Variants in AKAP7 observed in about 807,000 individuals in gnomAD.
AKAP7 encodes the protein A-kinase anchoring protein 7.
AKAP7 carries 39 observed loss-of-function variants against 39.5 expected under a neutral mutation model. The ratio of observed to expected loss-of-function variants is 0.99; its 90% CI spans 0.76 to 1.29. AKAP7 has a LOEUF of 1.29. Among genes scored for constraint, AKAP7 ranks in the 50% most tolerant of loss-of-function variants. The pLI, the probability that AKAP7 is intolerant of heterozygous loss-of-function variation, is 0.00. For missense variants in AKAP7, 414 were observed against 407.7 expected (o/e 1.02, Z -0.13); for synonymous variants, 140 against 139.1 (o/e 1.01, Z -0.05).
chr6:131,223,718 T>G lies in AKAP7; in HGVS notation c.850+3910T>G, dbSNP rs570313029. ...AAGGTCTCTTACAAGGCCAACCTTA[T>G]AAGAATTGCAGTGCCTCATTACCTT... On this transcript the variant is annotated intron_variant, in intron 7 of 7. Transcript: ENST00000431975. Among the ~76,000 whole-genome samples the G allele has an allele frequency of 3.3e-5, 5 of 152,296 alleles. No individual in the cohort carries two copies. In the South Asian group the frequency reaches 8.3e-4, roughly 25 times the overall value.
chr6:131,230,738 GGAGAAAA>G (rs1810559456), intron 7 of AKAP7, among the ~76,000 whole-genome samples: 1 of 152,000 alleles, frequency 6.6e-6, no homozygotes, highest in East Asian at 1.9e-4. Context: ...AGTCATGCAT[GGAGAAAA>G]GATCCATTAA....
At chr6:131,206,686 T>A (rs557591149) in intron 6 of AKAP7, among the ~76,000 whole-genome samples, 1 of 152,334 alleles carries the variant, frequency 6.6e-6, no homozygotes, top group East Asian at 1.9e-4. Flanking sequence ...CCTCCCTAAC[T>A]GTGAGCCCTG....
chr6:131,127,227 TA>T, the AKAP7 span, among the ~76,000 whole-genome samples: 1 of 151,966 alleles, frequency 6.6e-6, no homozygotes, highest in African/African-American at 2.4e-5. Flanking sequence ...TTTGTATTTT[TA>T]GTAGAGATGT....
At chr6:131,223,991 G>A (rs903982725) in intron 7 of AKAP7, among the ~76,000 whole-genome samples, 4 of 152,022 alleles carry the variant, frequency 2.6e-5, no homozygotes, top group African/African-American at 9.7e-5. Context: ...CTTCTTTATT[G>A]CTGTTACACT....
Position 131,281,637 on chromosome 6 carries a change from C to G in AKAP7, c.958C>G (p.Gln320Glu). Residue 320 changes from glutamine (Q) to glutamate (E), a missense_variant, in exon 8 of 8, where the codon CAG becomes GAG. Physicochemically the swap from Gln to Glu is conservative, Grantham distance 29. Coordinates refer to ENST00000431975, the MANE Select transcript of AKAP7 (RefSeq NM_016377.4). This position sits in a 1 kb window ranked among gnomAD's most constrained non-coding sequence, Gnocchi z 4.0. ...TGTCCAGCAGTATCTGGAGGAAACACAGAATAAAAACAAGCCGGGGGAGGG... is the reference window on the plus strand; with the variant it reads ...TGTCCAGCAGTATCTGGAGGAAACAGAGAATAAAAACAAGCCGGGGGAGGG... ...KAVQQYLEET[Q>E]NKNKPGEGSS... 6.2e-7 allele frequency: 1 copy of G among 1,613,452 alleles called. No individual in the cohort carries two copies.
At chr6:131,192,213 A>G (rs1271276841) in intron 5 of AKAP7, among the ~76,000 whole-genome samples, 1 of 152,130 alleles carries the variant, frequency 6.6e-6, no homozygotes, top group African/African-American at 2.4e-5. Flanking sequence ...TAGTAGTTTC[A>G]TAGTTTGAGG....
intron 7 of AKAP7, among the ~76,000 whole-genome samples, chr6:131,220,516 C>CCTGATTTATATGCTTTTATATATA (rs1214830267): frequency 6.6e-6 from 1 of 152,188 alleles, no homozygotes; most frequent in Non-Finnish European, 1.5e-5. Context: ...AAACTGTGAA[C>CCTGATTTATATGCTTTTATATATA]TTCAAGACAA....
intron 3 of AKAP7, 109 bp from the exon 4 acceptor site, chr6:131,164,971 TC>T (rs1803340718): frequency 6.2e-6 from 5 of 805,904 alleles, no homozygotes; most frequent in African/African-American, 1.8e-5. Context: ...TTAACATTGT[TC>T]TAATTTTGGT....
upstream of AKAP7, among the ~76,000 whole-genome samples, chr6:131,131,615 G>A (rs1800331479): frequency 6.6e-6 from 1 of 151,986 alleles, no homozygotes. Context: ...TTGGGAATAC[G>A]AAGACTTTAA....
intron 1 of AKAP7, among the ~76,000 whole-genome samples, chr6:131,136,464 T>C (rs1800551451): frequency 6.6e-6 from 1 of 152,162 alleles, no homozygotes. Context: ...GTGTACTATA[T>C]AAATAGCAGT....
rs577780107 is a variant in AKAP7, at chr6:131,279,284, T to C, written c.851-2246T>C. ...GGGAAAATTCACTTTTTTTTTCTTCTTTTTTGAGACAGTCTCACTCTGTCA... is the reference window on the plus strand; with the variant it reads ...GGGAAAATTCACTTTTTTTTTCTTCCTTTTTGAGACAGTCTCACTCTGTCA... On this transcript the variant is annotated intron_variant, in intron 7 of 7. Coordinates refer to ENST00000431975, the MANE Select transcript of AKAP7 (RefSeq NM_016377.4). Among the ~76,000 whole-genome samples the C allele has an allele frequency of 7.9e-5, 12 of 152,270 alleles. No homozygotes were observed. The East Asian group carries it at 2.3e-3, about 29-fold the overall frequency.
At chr6:131,183,256 G>A (rs1380140659) in intron 5 of AKAP7, among the ~76,000 whole-genome samples, 1 of 152,128 alleles carries the variant, frequency 6.6e-6, no homozygotes, top group Non-Finnish European at 1.5e-5. Context: ...ACTACTTAAT[G>A]TCAGTGCCAC....
rs566140776 is a variant in AKAP7 at position 131,179,197 on chromosome 6, G to A, written c.589+9924G>A. On this transcript the variant is annotated intron_variant, in intron 5 of 7. Coordinates refer to ENST00000431975, the MANE Select transcript of AKAP7 (RefSeq NM_016377.4). ...TTTTTTTGTTTGTTTGTTTTGAGAT[G>A]GAGTCTCGCCCTGTTGCCCAGGCTG... Among the ~76,000 whole-genome samples the A allele has an allele frequency of 2.0e-5, 3 of 151,984 alleles. No homozygotes were observed. The South Asian group carries it at 6.2e-4, about 32-fold the overall frequency.
intron 7 of AKAP7, among the ~76,000 whole-genome samples, chr6:131,233,191 C>T (rs1810771810): frequency 6.6e-6 from 1 of 151,998 alleles, no homozygotes; most frequent in Non-Finnish European, 1.5e-5. Flanking sequence ...ACTTATAAAA[C>T]TCACTAAATT....
chr6:131,185,348 C>A (rs1207853448), intron 5 of AKAP7: 4 of 524,130 alleles, frequency 7.6e-6, no homozygotes, highest in East Asian at 4.4e-5. Flanking sequence ...CTGGGCTACT[C>A]CAGTCTGTGA....
At chr6:131,168,373 C>A (rs1803703136) in intron 4 of AKAP7, among the ~76,000 whole-genome samples, 1 of 151,902 alleles carries the variant, frequency 6.6e-6, no homozygotes, top group Non-Finnish European at 1.5e-5. Context: ...GATCACACCA[C>A]TGCACTCCAG....
intron 5 of AKAP7, among the ~76,000 whole-genome samples, chr6:131,190,602 A>G (rs1447268943): frequency 2.0e-5 from 3 of 151,808 alleles, no homozygotes; most frequent in African/African-American, 7.3e-5. Flanking sequence ...CTGAGATTGT[A>G]CCATTGCAAT....
chr6:131,282,677 C>A lies in AKAP7; in HGVS notation c.*951C>A. 7.7e-7 allele frequency: 1 copy of A among 1,301,708 alleles called. No homozygotes were observed. Among genetic ancestry groups the A allele is most frequent in the Non-Finnish European group, 1.0e-6 (1 of 959,516 alleles). 80.6% of individuals were successfully genotyped at this position (1,301,708 alleles called of 1,614,324 possible). ...TTATTAAGTAGCTCTTTGGTAAACA[C>A]CAAAGAAGTTTCTGATAGTGTCTGC... On this transcript the variant is annotated 3_prime_UTR_variant, in exon 8 of 8. Transcript: ENST00000431975.
At chr6:131,192,625 C>T (rs563511921) in intron 5 of AKAP7, among the ~76,000 whole-genome samples, 9 of 151,978 alleles carry the variant, frequency 5.9e-5, no homozygotes, top group South Asian at 2.1e-4. Context: ...TGAAGAATGT[C>T]GTTGGAATTT....
Sources: gnomAD v4.1 joint callset for allele counts (sites outside exome capture counted in the v4.1 genomes callset) on GRCh38, gnomAD v4.1.1 for gene constraint, Gnocchi (gnomAD v3.1) non-coding constraint, MANE v1.5 for transcripts, NCBI Gene and HGNC (gene_info 2026-07-23, HGNC 2026-07-21) for gene names.